KIAA1217: variants seen among roughly 807,000 people sequenced by gnomAD.
The protein encoded by KIAA1217 is KIAA1217, also known as sickle tail protein homolog.
KIAA1217 carries 88 observed loss-of-function variants against 163.9 expected under a neutral mutation model. The observed-to-expected ratio is 0.54, with a 90% CI of 0.45 to 0.64. The LOEUF is 0.64. Ranked by LOEUF, KIAA1217 falls within the 30% of genes least tolerant of loss-of-function variation. KIAA1217 has a pLI of 0.00. For synonymous variants in KIAA1217, 903 were observed against 923.1 expected (o/e 0.98, Z 0.39); for missense variants, 2,372 against 2,475.0 (o/e 0.96, Z 0.88).
At chr10:23,770,446 A>G (rs1834742966) in intron 1 of KIAA1217, among the ~76,000 whole-genome samples, 1 of 152,176 alleles carries the variant, frequency 6.6e-6, no homozygotes, top group African/African-American at 2.4e-5. Flanking sequence ...TCTACCAGCT[A>G]CTCACTGATA....
At chr10:23,983,525 C>T (rs1845853522) in intron 1 of KIAA1217, among the ~76,000 whole-genome samples, 2 of 152,188 alleles carry the variant, frequency 1.3e-5, no homozygotes, top group South Asian at 4.1e-4. Context: ...CACTTTTAAA[C>T]AACCAGATCT....
At chr10:24,258,536 C>T (rs924938652) in intron 2 of KIAA1217, among the ~76,000 whole-genome samples, 8 of 151,428 alleles carry the variant, frequency 5.3e-5, no homozygotes, top group East Asian at 1.9e-4. Context: ...AGAGCAAAAC[C>T]GTGGGCAGAC....
chr10:23,856,952 C>T (rs996149711), intron 1 of KIAA1217, among the ~76,000 whole-genome samples: 11 of 152,256 alleles, frequency 7.2e-5, no homozygotes, highest in African/African-American at 2.2e-4. Flanking sequence ...TCCCTGACCC[C>T]TTGCGCTTCC....
chr10:24,543,493 G>A lies in KIAA1217; in HGVS notation c.4223G>A (p.Gly1408Glu), dbSNP rs1159259398. The change falls in exon 19 of 21, where the codon GGA becomes GAA. Residue 1408 changes from glycine (G) to glutamate (E), a missense_variant. Physicochemically the swap from Gly to Glu is moderately conservative, Grantham distance 98 (BLOSUM62 -2). This residue lies in a region of KIAA1217 where 690 missense variants were observed against 677.5 expected (regional missense o/e 1.02). Coordinates refer to ENST00000376454, the MANE Select transcript of KIAA1217 (RefSeq NM_019590.5). ...GEVHDIVSQK[G>E]EDIQTVNIDA... ...GTGCATGATATTGTTAGCCAAAAGG[G>A]AGAAGACATACAGACGGTTAATATC... 1 of 1,613,988 alleles carries A rather than the reference G, an allele frequency of 6.2e-7. No homozygotes were observed. The highest frequency in any genetic ancestry group is 8.5e-7 in the Non-Finnish European group (1 of 1,180,030).
chr10:23,741,454 A>T (rs187620063), intron 1 of KIAA1217, among the ~76,000 whole-genome samples: 5 of 152,230 alleles, frequency 3.3e-5, no homozygotes, highest in Middle Eastern at 6.8e-3. Flanking sequence ...GACTAATTTC[A>T]TGCCTGTTCA....
chr10:24,115,129 T>A (rs577243621), intron 2 of KIAA1217, among the ~76,000 whole-genome samples: 1 of 152,316 alleles, frequency 6.6e-6, no homozygotes, highest in Admixed American at 6.5e-5. Flanking sequence ...GTGTATACAT[T>A]TGTGTGTTTC....
At chr10:24,024,062 A>G (rs948845749) in intron 2 of KIAA1217, among the ~76,000 whole-genome samples, 11 of 151,694 alleles carry the variant, frequency 7.3e-5, no homozygotes, top group Non-Finnish European at 5.9e-5. Context: ...ATACATGTGT[A>G]AAAATCAACC....
At chr10:24,508,570 A>T (rs1371826361) in intron 9 of KIAA1217, among the ~76,000 whole-genome samples, 1 of 152,242 alleles carries the variant, frequency 6.6e-6, no homozygotes, top group Non-Finnish European at 1.5e-5. Flanking sequence ...AAATGACATG[A>T]TTATATATGT....
intron 2 of KIAA1217, among the ~76,000 whole-genome samples, chr10:24,232,456 A>G (rs752537442): frequency 6.6e-6 from 1 of 152,156 alleles, no homozygotes; most frequent in Non-Finnish European, 1.5e-5. Context: ...TCAAAATAAG[A>G]TTCTACTAGA....
chr10:24,348,132 A>T (rs2048022817), intron 2 of KIAA1217, among the ~76,000 whole-genome samples: 1 of 152,148 alleles, frequency 6.6e-6, no homozygotes, highest in Non-Finnish European at 1.5e-5. Context: ...AGAGGCAGGT[A>T]GATCACTTGA....
intron 2 of KIAA1217, among the ~76,000 whole-genome samples, chr10:24,221,048 A>C (rs2069567344): frequency 6.6e-6 from 1 of 151,740 alleles, no homozygotes; most frequent in Non-Finnish European, 1.5e-5. Flanking sequence ...GGCATGAACC[A>C]CTGTGCCTGG....
intron 3 of KIAA1217, among the ~76,000 whole-genome samples, chr10:24,412,346 C>A (rs781225873): frequency 7.2e-5 from 11 of 152,186 alleles, no homozygotes; most frequent in Non-Finnish European, 1.6e-4. Context: ...CATTCCCCCT[C>A]AAGCTACTGG....
At chr10:24,374,406 A>G (rs2052159044) in intron 2 of KIAA1217, among the ~76,000 whole-genome samples, 1 of 152,300 alleles carries the variant, frequency 6.6e-6, no homozygotes, top group Admixed American at 6.5e-5. Flanking sequence ...GTGTGTGTGT[A>G]TATTGTACTG....
intron 2 of KIAA1217, among the ~76,000 whole-genome samples, chr10:24,167,427 C>G (rs1315411627): frequency 1.3e-5 from 2 of 151,958 alleles, no homozygotes; most frequent in Non-Finnish European, 2.9e-5. Context: ...TTGTTGGTAA[C>G]AGCACAAACT....
intron 2 of KIAA1217, among the ~76,000 whole-genome samples, chr10:24,353,229 C>G (rs928414364): frequency 6.6e-6 from 1 of 152,166 alleles, no homozygotes; most frequent in African/African-American, 2.4e-5. Context: ...GACAGTGTCA[C>G]CTTAATATCC....
At chr10:24,269,569 A>G (rs2076578333) in intron 2 of KIAA1217, among the ~76,000 whole-genome samples, 1 of 152,146 alleles carries the variant, frequency 6.6e-6, no homozygotes, top group South Asian at 2.1e-4. Context: ...AAACAGAGCA[A>G]ATTACACTTT....
chr10:24,491,730 C>T (rs12252729), intron 6 of KIAA1217, among the ~76,000 whole-genome samples: 31,445 of 152,118 alleles, frequency 0.21, 3,554 homozygotes, highest in South Asian at 0.38. Flanking sequence ...CAGGACTCCC[C>T]TCTGCCATTT....
chr10:23,699,033 C>T (rs1836233617), intron 1 of KIAA1217, among the ~76,000 whole-genome samples: 1 of 152,068 alleles, frequency 6.6e-6, no homozygotes, highest in Non-Finnish European at 1.5e-5. Context: ...GCTGGGTCTG[C>T]TATCCTTGAA....
At chr10:24,153,476 A>C (rs991912730) in intron 2 of KIAA1217, among the ~76,000 whole-genome samples, 1 of 152,190 alleles carries the variant, frequency 6.6e-6, no homozygotes, top group African/African-American at 2.4e-5. Context: ...ATTTCACCTT[A>C]GTTTTAAGAA....
Sources: allele counts gnomAD v4.1 joint callset (sites outside exome capture counted in the v4.1 genomes callset), GRCh38; gene constraint gnomAD v4.1.1; regional missense constraint gnomAD v4.1.1; transcripts MANE v1.5; gene names NCBI Gene and HGNC (gene_info 2026-07-23, HGNC 2026-07-21).